Variants in FRMPD4 observed in about 807,000 individuals in gnomAD.
The protein encoded by FRMPD4 is FERM and PDZ domain-containing protein 4.
Under a neutral mutation model 94.1 loss-of-function variants are expected in FRMPD4, and 22 were observed. The observed-to-expected ratio is 0.23, with a 90% CI of 0.17 to 0.33. FRMPD4 has a LOEUF of 0.33. Ranked by LOEUF, FRMPD4 falls within the 10% of genes least tolerant of loss-of-function variation. The probability of loss-of-function intolerance (pLI) is 1.00; values close to 1 mark genes in which losing one functional copy is unlikely to be tolerated. For synonymous variants in FRMPD4, 631 were observed against 548.6 expected, an observed-to-expected ratio of 1.15 and a Z score of -2.10; for missense variants, 1,111 against 1,339.9, an observed-to-expected ratio of 0.83 and a Z score of 2.67.
intron 1 of FRMPD4, among the ~76,000 whole-genome samples, chrX:12,284,330 G>A (rs2054568549): frequency 8.9e-6 from 1 of 111,776 alleles, no homozygotes; most frequent in African/African-American, 3.3e-5. Context: ...CCACCTTCCT[G>A]TGCCTCCTCC....
chrX:12,703,008 G>A (rs780401701), intron 10 of FRMPD4, among the ~76,000 whole-genome samples: 3 of 112,456 alleles, frequency 2.7e-5, no homozygotes, highest in East Asian at 5.6e-4. Context: ...CTGCACAACC[G>A]GAGTTGATTT....
chrX:12,724,254 T>C lies in FRMPD4; in HGVS notation c.*2396T>C, dbSNP rs2042291600. The stretch of plus-strand genomic sequence containing the variant: ...GGGAAGTAGCTCTGGGTCCTTCTAA[T>C]CAACCTCCCATTACTGCGCCAGTAA... On this transcript the variant is annotated 3_prime_UTR_variant, in exon 17 of 17. Coordinates refer to ENST00000675598, the MANE Select transcript of FRMPD4 (RefSeq NM_001368397.1). The C allele has an allele frequency of 9.0e-6, 1 of 111,685 alleles. No homozygotes were observed. Among genetic ancestry groups the C allele is most frequent in the Admixed American group, 9.5e-5 (1 of 10,532 alleles). The allele number at this position is 111,685 out of a possible 1,213,427, so 9.2% of individuals were successfully genotyped here.
At chrX:12,521,062 G>T (rs970311226) in intron 2 of FRMPD4, among the ~76,000 whole-genome samples, 5 of 111,992 alleles carry the variant, frequency 4.5e-5, no homozygotes, top group Non-Finnish European at 7.5e-5. Flanking sequence ...GAGCATGGCT[G>T]TGCTCCAAAA....
At chrX:12,455,258 C>T (rs757173470) in intron 1 of FRMPD4, among the ~76,000 whole-genome samples, 3 of 111,634 alleles carry the variant, frequency 2.7e-5, no homozygotes, top group South Asian at 3.8e-4. Flanking sequence ...GGGTTAGACA[C>T]GTTTTCAGGA....
At chrX:12,701,282 A>G (rs1205918389) in intron 9 of FRMPD4, among the ~76,000 whole-genome samples, 1 of 109,709 alleles carries the variant, frequency 9.1e-6, no homozygotes, top group Non-Finnish European at 1.9e-5. Flanking sequence ...CATGTTGCCC[A>G]GGCTGGTCTT....
intron 2 of FRMPD4, among the ~76,000 whole-genome samples, chrX:12,564,092 G>A (rs143820285): frequency 6.3e-5 from 7 of 111,475 alleles, no homozygotes; most frequent in African/African-American, 2.3e-4. Flanking sequence ...TCCTCACATA[G>A]CAGAGAGCAG....
chrX:12,513,714 C>G (rs1030879332), intron 2 of FRMPD4, among the ~76,000 whole-genome samples: 3 of 111,555 alleles, frequency 2.7e-5, no homozygotes, highest in African/African-American at 9.8e-5. Context: ...CTTTTTGGTT[C>G]CATATGAATT....
chrX:12,653,151 T>C lies in FRMPD4; in HGVS notation c.423-21712T>C, dbSNP rs188577293. 7.1e-5 allele frequency among the ~76,000 whole-genome samples: 8 copies of C among 112,143 alleles called. No individual in the cohort carries two copies. In the Admixed American group the frequency reaches 7.6e-4, roughly 11 times the overall value. On this transcript the variant is annotated intron_variant, in intron 4 of 16. Coordinates refer to ENST00000675598, the MANE Select transcript of FRMPD4 (RefSeq NM_001368397.1). ...ATCAGTAAAATGGGGATAATAATATTACCTATCTCACAGGCTGCTGTGATT... is the reference window on the plus strand; with the variant it reads ...ATCAGTAAAATGGGGATAATAATATCACCTATCTCACAGGCTGCTGTGATT...
chrX:12,389,270 T>C (rs946500298), intron 1 of FRMPD4, among the ~76,000 whole-genome samples: 10 of 109,870 alleles, frequency 9.1e-5, no homozygotes, highest in Non-Finnish European at 1.9e-4. Context: ...GGTCAGGAGC[T>C]TGAGACCAGC....
intron 3 of FRMPD4, among the ~76,000 whole-genome samples, chrX:11,977,725 G>T: frequency 9.5e-6 from 1 of 105,390 alleles, no homozygotes; most frequent in Non-Finnish European, 2.0e-5. Flanking sequence ...TTGGGGGTTT[G>T]GGGGAGGGGC....
upstream of FRMPD4, among the ~76,000 whole-genome samples, chrX:12,133,756 C>T (rs1601961293): frequency 1.8e-5 from 2 of 112,153 alleles, no homozygotes; most frequent in African/African-American, 3.2e-5. Context: ...GCTGCCAGCT[C>T]TTGCCTGGAT....
intron 1 of FRMPD4, among the ~76,000 whole-genome samples, chrX:12,205,141 A>C (rs181579528): frequency 2.8e-3 from 307 of 109,402 alleles, no homozygotes; most frequent in African/African-American, 9.6e-3. Flanking sequence ...ATGATAACCC[A>C]AGCTGGAAGG....
intron 2 of FRMPD4, among the ~76,000 whole-genome samples, chrX:12,603,053 A>T (rs909544045): frequency 1.8e-5 from 2 of 112,146 alleles, no homozygotes; most frequent in Middle Eastern, 9.3e-3. Flanking sequence ...TGCTACCAAG[A>T]TAAGAGCATA....
chrX:12,354,898 G>A (rs1348974132), intron 1 of FRMPD4, among the ~76,000 whole-genome samples: 3 of 112,248 alleles, frequency 2.7e-5, no homozygotes, highest in Admixed American at 1.9e-4. Context: ...TTAAAATGTA[G>A]CGCAATTAAA....
At position 12,418,082 on chromosome X, in the gene FRMPD4, C is replaced by T. The variant is rs188222911; in HGVS notation, c.42-80598C>T. Among the ~76,000 whole-genome samples, 156 of 109,532 alleles carry T rather than the reference C, an allele frequency of 1.4e-3. 2 individuals carry two copies. The highest frequency in any genetic ancestry group is 2.5e-3 in the Non-Finnish European group (131 of 52,514). Reference sequence around the variant, plus strand: ...CAGGCTTCACCAGACTCATGGGGCTCGTGACACCGAAAAGGTTCAGAACCC... The same window carrying T: ...CAGGCTTCACCAGACTCATGGGGCTTGTGACACCGAAAAGGTTCAGAACCC... On this transcript the variant is annotated intron_variant, in intron 1 of 16. Transcript: ENST00000675598.
At chrX:12,688,269 C>T (rs955867799) in intron 7 of FRMPD4, among the ~76,000 whole-genome samples, 4 of 111,874 alleles carry the variant, frequency 3.6e-5, no homozygotes, top group Non-Finnish European at 7.5e-5. Context: ...ACTCCCTACC[C>T]CACCTGAAGA....
At chrX:12,195,929 GA>G (rs1337113107) in intron 1 of FRMPD4, among the ~76,000 whole-genome samples, 1 of 111,952 alleles carries the variant, frequency 8.9e-6, no homozygotes, top group Non-Finnish European at 1.9e-5. Flanking sequence ...ATGACAGGTG[GA>G]CCTAAAGGGA....
intron 1 of FRMPD4, among the ~76,000 whole-genome samples, chrX:12,270,408 T>C (rs946599463): frequency 8.9e-6 from 1 of 111,991 alleles, no homozygotes; most frequent in Middle Eastern, 4.6e-3. Context: ...GAAATCAGTT[T>C]GTTAATTTCC....
intron 1 of FRMPD4, among the ~76,000 whole-genome samples, chrX:11,859,211 T>C (rs1269475018): frequency 1.8e-5 from 2 of 111,790 alleles, no homozygotes; most frequent in Non-Finnish European, 3.8e-5. Context: ...GAACTACACT[T>C]GCAGAGAAGG....
Sources: allele counts gnomAD v4.1 joint callset (sites outside exome capture counted in the v4.1 genomes callset), GRCh38; gene constraint gnomAD v4.1.1; transcripts MANE v1.5; gene names NCBI Gene and HGNC (gene_info 2026-07-23, HGNC 2026-07-21).